The following ZNF423 variants were observed in gnomAD, a reference collection of about 807,000 sequenced individuals.
ZNF423 encodes zinc finger protein 423.
A neutral mutation model predicts 95.8 loss-of-function variants in ZNF423; 12 were observed. The ratio of observed to expected loss-of-function variants is 0.13; its 90% CI spans 0.08 to 0.20. The LOEUF (loss-of-function observed/expected upper bound fraction) is 0.20, where lower values mean the gene tolerates loss of function less well. ZNF423 is among the 10% of genes least tolerant of loss of function. The pLI, the probability that ZNF423 is intolerant of heterozygous loss-of-function variation, is 1.00. For synonymous variants in ZNF423, 749 were observed against 711.9 expected (o/e 1.05, Z -0.83); for missense variants, 1,316 against 1,737.1 (o/e 0.76, Z 4.31).
intron 5 of ZNF423, among the ~76,000 whole-genome samples, chr16:49,607,034 C>A (rs1302951178): frequency 6.6e-6 from 1 of 150,942 alleles, no homozygotes; most frequent in African/African-American, 2.4e-5. Flanking sequence ...AAAGAAGCCC[C>A]AAAATGTTTT....
chr16:49,508,773 G>A (rs1432724371), intron 7 of ZNF423, among the ~76,000 whole-genome samples: 2 of 152,012 alleles, frequency 1.3e-5, no homozygotes, highest in Non-Finnish European at 2.9e-5. Flanking sequence ...TCCCCTCCCT[G>A]CCCTAGACAA....
chr16:49,788,760 CA>C (rs2034360402), intron 2 of ZNF423, among the ~76,000 whole-genome samples: 1 of 152,202 alleles, frequency 6.6e-6, no homozygotes, highest in Non-Finnish European at 1.5e-5. Context: ...GACAGGGAGC[CA>C]GGGGCATCAC....
intron 5 of ZNF423, among the ~76,000 whole-genome samples, chr16:49,546,560 T>C (rs1419397850): frequency 6.6e-6 from 1 of 152,152 alleles, no homozygotes; most frequent in Non-Finnish European, 1.5e-5. Context: ...GGGATGAGCA[T>C]GTGAGACTTC....
At chr16:49,548,663 GA>G (rs1470678105) in intron 5 of ZNF423, among the ~76,000 whole-genome samples, 2 of 152,216 alleles carry the variant, frequency 1.3e-5, no homozygotes, top group East Asian at 3.9e-4. Flanking sequence ...AGAGAAGGGA[GA>G]GAAGGAGACA....
chr16:49,775,292 T>C (rs2034102837), intron 2 of ZNF423, among the ~76,000 whole-genome samples: 1 of 152,230 alleles, frequency 6.6e-6, no homozygotes, highest in Middle Eastern at 3.2e-3. Flanking sequence ...CACTGGTCTG[T>C]CCCAAGCTCT....
intron 5 of ZNF423, among the ~76,000 whole-genome samples, chr16:49,555,442 T>C (rs773779666): frequency 6.6e-6 from 1 of 152,244 alleles, no homozygotes; most frequent in Admixed American, 6.5e-5. Flanking sequence ...ATTTTGACAA[T>C]GAGCTTCTGT....
At chr16:49,831,894 G>C (rs905763444) in intron 1 of ZNF423, among the ~76,000 whole-genome samples, 8 of 152,002 alleles carry the variant, frequency 5.3e-5, no homozygotes. Context: ...CCAGCTACTG[G>C]GGAGGCGGAG....
chr16:49,681,339 A>C (rs2031346376), intron 3 of ZNF423, among the ~76,000 whole-genome samples: 1 of 152,190 alleles, frequency 6.6e-6, no homozygotes. Flanking sequence ...AACAAAATGA[A>C]ACATGGGCTC....
chr16:49,499,299 C>T (rs556713919), intron 7 of ZNF423, among the ~76,000 whole-genome samples: 1 of 152,352 alleles, frequency 6.6e-6, no homozygotes, highest in South Asian at 2.1e-4. Flanking sequence ...GTGAGGCAGC[C>T]TGTCGTCTGC....
intron 7 of ZNF423, among the ~76,000 whole-genome samples, chr16:49,519,666 C>T (rs113609405): frequency 0.02 from 3,049 of 152,234 alleles, 44 homozygotes; most frequent in African/African-American, 0.027. Context: ...ATATTTTCTC[C>T]CAATCAGTGA....
At chr16:49,579,730 TAAAGGGTTCC>T (rs1189397962) in intron 5 of ZNF423, among the ~76,000 whole-genome samples, 1 of 152,042 alleles carries the variant, frequency 6.6e-6, no homozygotes, top group Non-Finnish European at 1.5e-5. Flanking sequence ...AGGACCACCA[TAAAGGGTTCC>T]AAACAGTCTT....
chr16:49,724,653 C>A (rs928729562), intron 3 of ZNF423, among the ~76,000 whole-genome samples: 2 of 152,246 alleles, frequency 1.3e-5, no homozygotes, highest in African/African-American at 2.4e-5. Context: ...AAGGTGCCAG[C>A]TCCACACAGC....
chr16:49,595,443 A>T (rs1461556165), intron 5 of ZNF423, among the ~76,000 whole-genome samples: 2 of 152,222 alleles, frequency 1.3e-5, no homozygotes, highest in Non-Finnish European at 1.5e-5. Flanking sequence ...CTGCCTTCCC[A>T]GCCACAGACC....
At chr16:49,854,436 A>G in intron 1 of ZNF423, 1 of 985,460 alleles carries the variant, frequency 1.0e-6, no homozygotes, top group Non-Finnish European at 1.2e-6. Context: ...GCTGGCAGGA[A>G]GGGAGCGGGG....
chr16:49,541,921 C>A (rs554161837), intron 5 of ZNF423, among the ~76,000 whole-genome samples: 1 of 152,360 alleles, frequency 6.6e-6, no homozygotes, highest in African/African-American at 2.4e-5. Context: ...AATTAAACCT[C>A]TTTCCTTATA....
intron 1 of ZNF423, among the ~76,000 whole-genome samples, chr16:49,796,183 A>G (rs2034496165): frequency 1.3e-5 from 2 of 152,068 alleles, no homozygotes; most frequent in Non-Finnish European, 2.9e-5. Flanking sequence ...CAGCAGGTGC[A>G]TAAGTAGCTA....
chr16:49,698,701 C>T (rs1043590951), intron 3 of ZNF423, among the ~76,000 whole-genome samples: 2 of 151,988 alleles, frequency 1.3e-5, no homozygotes, highest in Admixed American at 6.5e-5. Context: ...GGAACACAGC[C>T]GCCCTGCTCC....
intron 7 of ZNF423, among the ~76,000 whole-genome samples, chr16:49,501,030 C>A (rs923952885): frequency 2.0e-5 from 3 of 152,176 alleles, no homozygotes; most frequent in African/African-American, 4.8e-5. Flanking sequence ...AAGACGGAAG[C>A]ACCTGTCAGC....
chr16:49,516,198 C>T (rs1474095665), intron 7 of ZNF423, among the ~76,000 whole-genome samples: 4 of 152,206 alleles, frequency 2.6e-5, no homozygotes, highest in Admixed American at 1.3e-4. Flanking sequence ...CCCTGGGCAC[C>T]TGGCTCCTCC....
Sources: allele counts gnomAD v4.1 joint callset (sites outside exome capture counted in the v4.1 genomes callset), GRCh38; gene constraint gnomAD v4.1.1; transcripts MANE v1.5; gene names NCBI Gene and HGNC (gene_info 2026-07-23, HGNC 2026-07-21).